Variants in NTM observed in about 807,000 individuals in gnomAD.
The protein encoded by NTM is neurotrimin.
Under a neutral mutation model 42.1 loss-of-function variants are expected in NTM, and 13 were observed. The observed-to-expected ratio is 0.31, with a 90% CI of 0.20 to 0.49. NTM has a LOEUF of 0.49. Ranked by LOEUF, NTM falls within the 20% of genes least tolerant of loss-of-function variation. NTM has a pLI of 0.99. For synonymous variants in NTM, 187 were observed against 179.2 expected, an observed-to-expected ratio of 1.04 and a Z score of -0.35; for missense variants, 373 against 452.8, an observed-to-expected ratio of 0.82 and a Z score of 1.60.
At chr11:131,789,660 GAAGAAGA>G (rs201414826) in intron 1 of NTM, among the ~76,000 whole-genome samples, 8,079 of 134,652 alleles carry the variant, frequency 0.06, 687 homozygotes, top group Middle Eastern at 0.098. Flanking sequence ...AGAAGAAGAA[GAAGAAGA>G]AAGCATGGGC....
chr11:131,977,925 A>AG (rs1408852932), intron 2 of NTM, among the ~76,000 whole-genome samples: 1 of 152,216 alleles, frequency 6.6e-6, no homozygotes, highest in Non-Finnish European at 1.5e-5. Context: ...TGAGCTGAAG[A>AG]GAAAAAGAAA....
intron 1 of NTM, among the ~76,000 whole-genome samples, chr11:131,506,275 A>G (rs1353368955): frequency 1.3e-5 from 2 of 152,146 alleles, no homozygotes; most frequent in East Asian, 1.9e-4. Flanking sequence ...GACCAAGGAC[A>G]TCTGGTGCCT....
intron 1 of NTM, among the ~76,000 whole-genome samples, chr11:131,587,943 G>A (rs1193638169): frequency 1.3e-5 from 2 of 152,200 alleles, no homozygotes; most frequent in African/African-American, 4.8e-5. Flanking sequence ...GTGACCCATA[G>A]CTGAGCATCA....
At chr11:131,593,089 C>T (rs776741717) in intron 1 of NTM, among the ~76,000 whole-genome samples, 1 of 152,196 alleles carries the variant, frequency 6.6e-6, no homozygotes, top group Non-Finnish European at 1.5e-5. Context: ...AAATGTGCTC[C>T]AACATGCAGC....
intron 1 of NTM, among the ~76,000 whole-genome samples, chr11:131,526,120 C>T (rs573678964): frequency 1.3e-5 from 2 of 152,336 alleles, no homozygotes; most frequent in East Asian, 3.9e-4. Context: ...TGACCCATTT[C>T]ACAGTGAAGG....
At chr11:132,197,250 A>T (rs909322270) in intron 3 of NTM, among the ~76,000 whole-genome samples, 2 of 152,144 alleles carry the variant, frequency 1.3e-5, no homozygotes, top group Non-Finnish European at 2.9e-5. Context: ...TGAAAGATTA[A>T]ATTATATTGA....
Position 131,996,035 on chromosome 11 carries a change from A to G in NTM, c.167+84387A>G, listed in dbSNP as rs140130197. Among the ~76,000 whole-genome samples, 872 of 152,234 alleles carry G rather than the reference A, an allele frequency of 5.7e-3. 9 individuals carry two copies. The highest frequency in any genetic ancestry group is 0.02 in the African/African-American group (831 of 41,548). On this transcript the variant is annotated intron_variant, in intron 2 of 8. Transcript: ENST00000683400. ...ACAAATGTCAGTTTCAAGCTTTAAG[A>G]CTGGGAGCATTAATTTCCATGTTAA...
At chr11:131,939,322 A>C (rs1308614146) in intron 2 of NTM, among the ~76,000 whole-genome samples, 1 of 152,158 alleles carries the variant, frequency 6.6e-6, no homozygotes, top group Non-Finnish European at 1.5e-5. Flanking sequence ...CACAACCAGG[A>C]GTTCTGGAAA....
intron 3 of NTM, among the ~76,000 whole-genome samples, chr11:132,164,029 C>CTA (rs1457120858): frequency 2.0e-5 from 3 of 152,142 alleles, no homozygotes; most frequent in African/African-American, 4.8e-5. Context: ...TGGTTAAGCA[C>CTA]AGTAGCAAGG....
chr11:131,795,541 C>G (rs768593340), intron 1 of NTM: 10 of 985,450 alleles, frequency 1.0e-5, no homozygotes, highest in Non-Finnish European at 1.1e-5. Context: ...AGACACTGCT[C>G]TGTCAGGATA....
intron 1 of NTM, chr11:131,660,928 G>C (rs1035514458): frequency 1.5e-6 from 2 of 1,301,154 alleles, no homozygotes; most frequent in African/African-American, 3.0e-5. Flanking sequence ...TCTTTTTATA[G>C]GTAAGTGACA....
chr11:132,136,646 T>C (rs1380592098), intron 2 of NTM, among the ~76,000 whole-genome samples: 1 of 152,194 alleles, frequency 6.6e-6, no homozygotes, highest in Non-Finnish European at 1.5e-5. Context: ...GTGCCAGGCT[T>C]CACACACACT....
intron 2 of NTM, among the ~76,000 whole-genome samples, chr11:132,127,035 A>G (rs1202037157): frequency 6.6e-6 from 1 of 152,166 alleles, no homozygotes; most frequent in Non-Finnish European, 1.5e-5. Context: ...TCCAGCTTTC[A>G]GGATGAATAA....
rs532409633 is a variant in NTM at position 132,098,835 on chromosome 11, C to G, written c.168-47447C>G. Among the ~76,000 whole-genome samples the G allele has an allele frequency of 2.6e-5, 4 of 152,384 alleles. No individual in the cohort carries two copies. The East Asian group carries it at 5.8e-4, about 22-fold the overall frequency. On this transcript the variant is annotated intron_variant, in intron 2 of 8. Coordinates refer to ENST00000683400, the MANE Select transcript of NTM (RefSeq NM_001352005.2). ...CCTCACATGCTTCCTTGGCCAGGCA[C>G]CCTTGTGCAGTGAACAACCTGCACA... is the stretch of plus-strand genomic sequence containing the variant.
chr11:131,931,974 C>T (rs964973353), intron 2 of NTM, among the ~76,000 whole-genome samples: 7 of 152,312 alleles, frequency 4.6e-5, no homozygotes, highest in African/African-American at 1.2e-4. Context: ...TTTCCCACCA[C>T]GGCGGTGCCT....
intron 1 of NTM, among the ~76,000 whole-genome samples, chr11:131,740,928 G>A (rs2081099322): frequency 1.3e-5 from 2 of 152,132 alleles, no homozygotes; most frequent in African/African-American, 2.4e-5. Flanking sequence ...AGCACTTTGG[G>A]AGGCCGAGGC....
At chr11:131,439,550 C>T (rs1949434745) in intron 1 of NTM, among the ~76,000 whole-genome samples, 1 of 152,234 alleles carries the variant, frequency 6.6e-6, no homozygotes, top group Non-Finnish European at 1.5e-5. Context: ...TGCTGCCTTG[C>T]AGGTTGATCT....
chr11:131,761,508 T>A (rs1253266398), intron 1 of NTM, among the ~76,000 whole-genome samples: 1 of 152,006 alleles, frequency 6.6e-6, no homozygotes, highest in Non-Finnish European at 1.5e-5. Flanking sequence ...ATTAGTGCCC[T>A]CATAAGAGGA....
intron 2 of NTM, among the ~76,000 whole-genome samples, chr11:132,112,156 C>T (rs545612045): frequency 2.6e-5 from 4 of 152,228 alleles, no homozygotes; most frequent in African/African-American, 9.6e-5. Flanking sequence ...CATTCTAGTT[C>T]GGATTGGTGT....
Sources: allele counts gnomAD v4.1 joint callset (sites outside exome capture counted in the v4.1 genomes callset), GRCh38; gene constraint gnomAD v4.1.1; transcripts MANE v1.5; gene names NCBI Gene and HGNC (gene_info 2026-07-23, HGNC 2026-07-21).